Variants in CSMD1 observed in about 807,000 individuals in gnomAD.
The protein encoded by CSMD1 is CUB and sushi domain-containing protein 1.
In CSMD1, 213 loss-of-function variants were observed where a neutral mutation model predicts 417.5. The observed-to-expected ratio is 0.51, with a 90% CI of 0.46 to 0.57. CSMD1 has a LOEUF of 0.57. CSMD1 is among the 20% of genes least tolerant of loss of function. The pLI is 0.00. For missense variants in CSMD1, 6,923 were observed against 4,529.7 expected, an observed-to-expected ratio of 1.53 and a Z score of -15.17; for synonymous variants, 2,862 against 1,736.8, an observed-to-expected ratio of 1.65 and a Z score of -16.11.
intron 37 of CSMD1, among the ~76,000 whole-genome samples, chr8:3,169,412 G>A (rs1374716379): frequency 1.3e-5 from 2 of 151,536 alleles, no homozygotes; most frequent in South Asian, 2.1e-4. Flanking sequence ...AAATAAGCCA[G>A]TATCAAAAAA....
chr8:3,469,025 C>T, intron 11 of CSMD1: 1 of 436,570 alleles, frequency 2.3e-6, no homozygotes, highest in Admixed American at 4.2e-5. Flanking sequence ...AGAAATTACT[C>T]TATTCTATGG....
At chr8:4,765,751 A>C (rs950309795) in intron 1 of CSMD1, among the ~76,000 whole-genome samples, 1 of 152,192 alleles carries the variant, frequency 6.6e-6, no homozygotes, top group Non-Finnish European at 1.5e-5. Context: ...GTTGGGGTTT[A>C]AATTATTGGG....
chr8:4,295,156 A>G (rs567927349), intron 3 of CSMD1, among the ~76,000 whole-genome samples: 4 of 143,914 alleles, frequency 2.8e-5, no homozygotes, highest in African/African-American at 1.0e-4. Context: ...AAGATTACGC[A>G]CATATAATCT....
chr8:3,142,894 C>A (rs1033621814), intron 40 of CSMD1, among the ~76,000 whole-genome samples: 6 of 152,182 alleles, frequency 3.9e-5, no homozygotes, highest in African/African-American at 1.4e-4. Flanking sequence ...ATGACACTCA[C>A]GTCCAGAAGT....
At chr8:4,167,307 T>G (rs1445193254) in intron 3 of CSMD1, among the ~76,000 whole-genome samples, 1 of 152,178 alleles carries the variant, frequency 6.6e-6, no homozygotes, top group African/African-American at 2.4e-5. Context: ...CAGAAAGCAT[T>G]CTTACGTAAC....
chr8:3,029,904 T>C (rs529411691), intron 50 of CSMD1, among the ~76,000 whole-genome samples: 1 of 152,198 alleles, frequency 6.6e-6, no homozygotes, highest in East Asian at 1.9e-4. Flanking sequence ...AATTGTGTAA[T>C]TGCAAACCAG....
At position 2,960,961 on chromosome 8, in the gene CSMD1, T is replaced by TATATAC. The variant is rs1554472482; in HGVS notation, c.9702+174_9702+179dup. Among the ~76,000 whole-genome samples the TATATAC allele has an allele frequency of 1.8e-4, 24 of 130,858 alleles. 1 individual carries two copies. Among genetic ancestry groups the TATATAC allele is most frequent in the African/African-American group, 4.9e-4 (14 of 28,290 alleles). The allele number at this position is 130,858 out of a possible 152,430, so 85.8% of individuals were successfully genotyped here. A position where few individuals can be genotyped will look rare whatever the true frequency, so the allele number is the denominator to read the frequency against. On this transcript the variant is annotated intron_variant, in intron 62 of 69. Transcript: ENST00000635120. Reference sequence around the variant, plus strand: ...CAAGATATATATATATATATATATATATATACATATATTGATTTTGACAGT... The same window carrying TATATAC: ...CAAGATATATATATATATATATATATATATACATATACATATATTGATTTTGACAGT...
At chr8:3,134,181 G>GAA (rs60113606) in intron 41 of CSMD1, among the ~76,000 whole-genome samples, 1 of 151,330 alleles carries the variant, frequency 6.6e-6, no homozygotes, top group African/African-American at 2.4e-5. Context: ...AAAAAAACAA[G>GAA]AAAAAAAAGA....
intron 3 of CSMD1, among the ~76,000 whole-genome samples, chr8:4,135,276 TAGA>T (rs1289354247): frequency 6.8e-6 from 1 of 147,368 alleles, no homozygotes; most frequent in Non-Finnish European, 1.5e-5. Context: ...TAACAACCAT[TAGA>T]AGGAGGGAAG....
intron 11 of CSMD1, among the ~76,000 whole-genome samples, chr8:3,472,160 G>T (rs1289898110): frequency 6.6e-6 from 1 of 151,994 alleles, no homozygotes; most frequent in Non-Finnish European, 1.5e-5. Context: ...AGGGTTCTTG[G>T]CTCTTTTAAC....
chr8:3,922,822 T>C (rs1252921232), intron 5 of CSMD1, among the ~76,000 whole-genome samples: 4 of 152,304 alleles, frequency 2.6e-5, no homozygotes, highest in Admixed American at 6.5e-5. Flanking sequence ...TAAAATTCTA[T>C]ATATTCATGG....
chr8:4,506,506 T>C (rs1471543948), intron 2 of CSMD1, among the ~76,000 whole-genome samples: 2 of 152,090 alleles, frequency 1.3e-5, no homozygotes, highest in Admixed American at 6.6e-5. Flanking sequence ...CAATGGCGGA[T>C]GGCAGGAGGC....
intron 1 of CSMD1, among the ~76,000 whole-genome samples, chr8:4,675,731 A>T (rs926300914): frequency 1.3e-5 from 2 of 152,158 alleles, no homozygotes; most frequent in Admixed American, 1.3e-4. Flanking sequence ...TTCCCTATTC[A>T]TCTGTACTCC....
intron 1 of CSMD1, among the ~76,000 whole-genome samples, chr8:4,783,982 T>C (rs1419706967): frequency 6.6e-6 from 1 of 152,222 alleles, no homozygotes; most frequent in Admixed American, 6.5e-5. Context: ...ATGAGGTGCA[T>C]GGCTACAATT....
chr8:4,979,889 T>A (rs1390410362), intron 1 of CSMD1, among the ~76,000 whole-genome samples: 4 of 147,302 alleles, frequency 2.7e-5, no homozygotes, highest in South Asian at 4.2e-4. Flanking sequence ...TACAAAAAAA[T>A]TAGCCAGGCG....
Position 4,175,807 on chromosome 8 carries a change from A to G in CSMD1, c.416-143708T>C, listed in dbSNP as rs1325541327. ...ACTATGATGATCATGGCAATACAAC[A>G]GCATATATAAAAGTATGCAGAGTGA... On this transcript the variant is annotated intron_variant, in intron 3 of 69. Coordinates refer to ENST00000635120, the MANE Select transcript of CSMD1 (RefSeq NM_033225.6). 2.0e-5 allele frequency among the ~76,000 whole-genome samples: 3 copies of G among 152,196 alleles called. No homozygotes were observed. In the South Asian group the frequency reaches 6.2e-4, roughly 31 times the overall value.
chr8:4,176,957 T>G (rs1376541508), intron 3 of CSMD1, among the ~76,000 whole-genome samples: 3 of 151,068 alleles, frequency 2.0e-5, no homozygotes, highest in Non-Finnish European at 4.4e-5. Context: ...ACAAAGAGAC[T>G]TAGACTCCCA....
Position 4,366,254 on chromosome 8 carries a change from C to CTTT in CSMD1, c.415+53696_415+53698dup, listed in dbSNP as rs56366201. 2.3e-3 allele frequency among the ~76,000 whole-genome samples: 354 copies of CTTT among 150,652 alleles called. 1 individual carries two copies. The highest frequency in any genetic ancestry group is 2.5e-3 in the Non-Finnish European group (171 of 67,704). On this transcript the variant is annotated intron_variant, in intron 3 of 69. Transcript: ENST00000635120. ...CCATGTAGCTGCAAAAGACGTGATT[C>CTTT]TTTTTTTTTTCTGTTTTATGGCTGC...
rs67818519 is a variant in CSMD1, at chr8:3,175,483, T to TCCTGCCTGCCTGCCTGCCTG, written c.5725+5607_5725+5626dup. Among the ~76,000 whole-genome samples, 425 of 121,648 alleles carry TCCTGCCTGCCTGCCTGCCTG rather than the reference T, an allele frequency of 3.5e-3. 1 individual carries two copies. Among genetic ancestry groups the TCCTGCCTGCCTGCCTGCCTG allele is most frequent in the Non-Finnish European group, 5.9e-3 (359 of 60,534 alleles). 79.8% of individuals were successfully genotyped at this position (121,648 alleles called of 152,430 possible). On this transcript the variant is annotated intron_variant, in intron 37 of 69. Transcript: ENST00000635120. ...CTTTCCTTCCTTCTTTTCCCTTCCT[T>TCCTGCCTGCCTGCCTGCCTG]CCTGCCTGCCTGCCTGCCTGCCTGC...
Sources: gnomAD v4.1 joint callset for allele counts (sites outside exome capture counted in the v4.1 genomes callset) on GRCh38, gnomAD v4.1.1 for gene constraint, MANE v1.5 for transcripts, NCBI Gene and HGNC (gene_info 2026-07-23, HGNC 2026-07-21) for gene names.